SNX29: variants seen among roughly 807,000 people sequenced by gnomAD.
SNX29 encodes the protein sorting nexin 29, also known as sorting nexin-29.
In SNX29, 78 loss-of-function variants were observed where a neutral mutation model predicts 102.1. The ratio of observed to expected loss-of-function variants is 0.76; its 90% CI spans 0.64 to 0.92. The LOEUF (loss-of-function observed/expected upper bound fraction) is 0.92, where lower values mean the gene tolerates loss of function less well. Ranked by LOEUF, SNX29 falls within the 40% of genes least tolerant of loss-of-function variation. SNX29 has a pLI of 0.00. For synonymous variants in SNX29, 580 were observed against 414.5 expected (o/e 1.40, Z -4.85); for missense variants, 1,280 against 1,061.7 (o/e 1.21, Z -2.86).
intron 13 of SNX29, among the ~76,000 whole-genome samples, chr16:12,199,343 C>G (rs1179039995): frequency 1.3e-5 from 2 of 152,186 alleles, no homozygotes; most frequent in African/African-American, 2.4e-5. Flanking sequence ...TGTCTGTGTT[C>G]TGAATTTGTG....
At chr16:12,248,360 A>G (rs1306158310) in intron 14 of SNX29, among the ~76,000 whole-genome samples, 1 of 146,500 alleles carries the variant, frequency 6.8e-6, no homozygotes, top group South Asian at 2.2e-4. Context: ...CCATCTTTAC[A>G]TGGCTCTCTT....
In SNX29 at chr16:12,051,910, A is replaced by G. The variant is rs775080112; in HGVS notation, c.812A>G (p.Asp271Gly). 38 of 1,613,104 alleles carry G rather than the reference A, an allele frequency of 2.4e-5. No homozygotes were observed. Among genetic ancestry groups the G allele is most frequent in the Non-Finnish European group, 3.1e-5 (37 of 1,179,744 alleles). Residue 271 changes from aspartate to glycine, a missense_variant, in exon 8 of 21, where the codon GAT (aspartate) becomes GGT (glycine). Transcript: ENST00000566228. ...KKVTNIISFD[D>G]EEDEQNSGDV... ...GTGACCAACATAATCTCATTTGATG[A>G]TGAGGAAGATGAGCAGAACTCTGGG...
At chr16:12,283,820 C>A (rs995795121) in intron 15 of SNX29, among the ~76,000 whole-genome samples, 2 of 152,210 alleles carry the variant, frequency 1.3e-5, no homozygotes, top group Non-Finnish European at 2.9e-5. Context: ...TACCCACAGG[C>A]CTGGAGCTGT....
intron 11 of SNX29, among the ~76,000 whole-genome samples, chr16:12,115,139 GC>G (rs2053644110): frequency 6.6e-6 from 1 of 152,072 alleles, no homozygotes; most frequent in Non-Finnish European, 1.5e-5. Context: ...ATGAAAAATT[GC>G]CCCTGGCAGA....
chr16:12,144,872 C>A (rs1225188454), intron 13 of SNX29, among the ~76,000 whole-genome samples: 1 of 152,200 alleles, frequency 6.6e-6, no homozygotes, highest in Non-Finnish European at 1.5e-5. Context: ...CAGGCGCCTG[C>A]CACCACACCC....
At chr16:12,317,097 C>G (rs114088552) in intron 15 of SNX29, among the ~76,000 whole-genome samples, 1,627 of 152,332 alleles carry the variant, frequency 0.011, 22 homozygotes, top group African/African-American at 0.037. Context: ...CAGTGTTTCT[C>G]CCAGAAGTTT....
chr16:12,476,790 T>C (rs745632229), intron 18 of SNX29, among the ~76,000 whole-genome samples: 1 of 152,090 alleles, frequency 6.6e-6, no homozygotes, highest in Non-Finnish European at 1.5e-5. Context: ...TTTGAACACA[T>C]AATGTCTGTG....
chr16:12,260,750 A>T (rs563354311), intron 14 of SNX29, among the ~76,000 whole-genome samples: 1 of 142,778 alleles, frequency 7.0e-6, no homozygotes, highest in Non-Finnish European at 1.5e-5. Context: ...ACACGCCCCC[A>T]GCTGGAGTGA....
At chr16:12,380,459 TCCACCCA>T (rs1464078325) in intron 16 of SNX29, among the ~76,000 whole-genome samples, 1 of 49,552 alleles carries the variant, frequency 2.0e-5, no homozygotes, top group Non-Finnish European at 4.8e-5. Context: ...CCACCATCCA[TCCACCCA>T]CCATCCATCC....
chr16:12,566,413 T>TAC (rs987049513), intron 20 of SNX29, among the ~76,000 whole-genome samples: 12 of 68,314 alleles, frequency 1.8e-4, no homozygotes, highest in African/African-American at 5.1e-4. Context: ...CAGAGCCTGT[T>TAC]ACCTCCAGGG....
At chr16:12,047,343 C>T (rs1208156003) in intron 6 of SNX29, among the ~76,000 whole-genome samples, 2 of 152,154 alleles carry the variant, frequency 1.3e-5, no homozygotes, top group Non-Finnish European at 2.9e-5. Context: ...TTTTTTGTTG[C>T]CTCCTTTTTG....
intron 13 of SNX29, among the ~76,000 whole-genome samples, chr16:12,162,201 G>A (rs144178492): frequency 0.01 from 1,549 of 152,254 alleles, 8 homozygotes; most frequent in Non-Finnish European, 0.016. Flanking sequence ...AGCACGGTCG[G>A]CTCCTTCTGA....
At chr16:12,444,835 T>G (rs957721823) in intron 18 of SNX29, among the ~76,000 whole-genome samples, 12 of 81,932 alleles carry the variant, frequency 1.5e-4, no homozygotes, top group African/African-American at 1.1e-3. Context: ...CGACAGTGTT[T>G]TTTTTTGTTT....
At chr16:12,530,935 T>C (rs2076915485) in intron 20 of SNX29, among the ~76,000 whole-genome samples, 1 of 152,224 alleles carries the variant, frequency 6.6e-6, no homozygotes, top group African/African-American at 2.4e-5. Context: ...TCATAATTTA[T>C]TTCACCCTTG....
intron 13 of SNX29, among the ~76,000 whole-genome samples, chr16:12,181,478 A>T (rs2076383601): frequency 6.6e-6 from 1 of 152,236 alleles, no homozygotes; most frequent in South Asian, 2.1e-4. Flanking sequence ...GGAGGCAACC[A>T]GATAGGCATT....
chr16:12,060,887 G>C (rs1205116954), intron 8 of SNX29: 1 of 455,990 alleles, frequency 2.2e-6, no homozygotes, highest in Non-Finnish European at 4.4e-6. Flanking sequence ...TAATAATTGA[G>C]CCGACTCCCT....
intron 18 of SNX29, among the ~76,000 whole-genome samples, chr16:12,429,562 C>T (rs1259482107): frequency 1.3e-5 from 2 of 152,214 alleles, no homozygotes; most frequent in Non-Finnish European, 2.9e-5. Context: ...AGCCACTGTA[C>T]TTGGCCCTGC....
chr16:12,477,560 T>C (rs142754680), intron 18 of SNX29, among the ~76,000 whole-genome samples, 159 bp from the exon 19 acceptor site: 192 of 152,342 alleles, frequency 1.3e-3, no homozygotes, highest in African/African-American at 4.5e-3. Context: ...CAGCTAGCAC[T>C]AATAAATCCC....
At chr16:12,472,392 A>G (rs988119284) in intron 18 of SNX29, among the ~76,000 whole-genome samples, 3 of 151,984 alleles carry the variant, frequency 2.0e-5, no homozygotes, top group African/African-American at 4.8e-5. Flanking sequence ...TGTGGCAGGC[A>G]CCTGTAATCC....
Sources: gnomAD v4.1 joint callset for allele counts (sites outside exome capture counted in the v4.1 genomes callset) on GRCh38, gnomAD v4.1.1 for gene constraint, MANE v1.5 for transcripts, NCBI Gene and HGNC (gene_info 2026-07-23, HGNC 2026-07-21) for gene names.